DMRT1: variants seen among roughly 807,000 people sequenced by gnomAD.
DMRT1 encodes the protein doublesex and mab-3 related transcription factor 1.
A neutral mutation model predicts 32.3 loss-of-function variants in DMRT1; 7 were observed. That is an observed-to-expected ratio of 0.22 (90% CI 0.12 to 0.41). The LOEUF (loss-of-function observed/expected upper bound fraction) is 0.41. DMRT1 is among the 10% of genes least tolerant of loss of function. The pLI, the probability that DMRT1 is intolerant of heterozygous loss-of-function variation, is 1.00. For synonymous variants in DMRT1, 278 were observed against 206.1 expected (o/e 1.35, Z -2.99); for missense variants, 625 against 500.5 (o/e 1.25, Z -2.37).
chr9:890,027 C>T (rs1817077361), intron 2 of DMRT1, among the ~76,000 whole-genome samples: 1 of 149,978 alleles, frequency 6.7e-6, no homozygotes, highest in Non-Finnish European at 1.5e-5. Flanking sequence ...ACAATAGAGA[C>T]ATGACCTTGA....
intron 3 of DMRT1, among the ~76,000 whole-genome samples, chr9:895,660 CAT>C (rs1454652878): frequency 6.6e-6 from 1 of 152,150 alleles, no homozygotes; most frequent in Non-Finnish European, 1.5e-5. Flanking sequence ...AATCACCTCA[CAT>C]AGTTACCATT....
chr9:888,055 A>C (rs1267582926), intron 2 of DMRT1, among the ~76,000 whole-genome samples: 1 of 152,072 alleles, frequency 6.6e-6, no homozygotes, highest in Non-Finnish European at 1.5e-5. Context: ...TTAAATTTTG[A>C]CTCTGCAATG....
rs79708912 is a variant in DMRT1, at chr9:881,696, C to T, written c.539-12216C>T. On this transcript the variant is annotated intron_variant, in intron 2 of 4. Transcript: ENST00000382276. ...CAAACAAGTTCCTAATTTAAAACATCCTCAGTGTACGAAATATTTAAAAGG... is the reference window on the plus strand; with the variant it reads ...CAAACAAGTTCCTAATTTAAAACATTCTCAGTGTACGAAATATTTAAAAGG... 2.2e-4 allele frequency among the ~76,000 whole-genome samples: 34 copies of T among 152,322 alleles called. No individual in the cohort carries two copies. The East Asian group carries it at 6.6e-3, about 29-fold the overall frequency.
At chr9:899,050 G>C (rs973572559) in intron 3 of DMRT1, among the ~76,000 whole-genome samples, 2 of 151,884 alleles carry the variant, frequency 1.3e-5, no homozygotes, top group African/African-American at 4.8e-5. Flanking sequence ...TTCTTTTTCA[G>C]ATGGTTCACT....
intron 2 of DMRT1, among the ~76,000 whole-genome samples, chr9:873,961 G>T (rs1816386700): frequency 6.6e-6 from 1 of 152,160 alleles, no homozygotes; most frequent in Non-Finnish European, 1.5e-5. Flanking sequence ...ACTTGGAAGT[G>T]GAAAGTACCT....
intron 4 of DMRT1, among the ~76,000 whole-genome samples, chr9:958,116 G>A (rs1819658041): frequency 6.6e-6 from 1 of 152,126 alleles, no homozygotes; most frequent in South Asian, 2.1e-4. Flanking sequence ...AGTATGATAA[G>A]CCAACATTGA....
intron 2 of DMRT1, among the ~76,000 whole-genome samples, chr9:866,039 C>T (rs567884674): frequency 1.3e-4 from 20 of 151,816 alleles, no homozygotes; most frequent in Non-Finnish European, 2.8e-4. Context: ...TGGTGGGTGC[C>T]TGTAATCCCA....
intron 2 of DMRT1, among the ~76,000 whole-genome samples, chr9:887,625 G>A (rs1013147537): frequency 3.9e-5 from 6 of 152,132 alleles, no homozygotes; most frequent in Non-Finnish European, 8.8e-5. Context: ...TTGGGCCTCT[G>A]TTGACCTCCC....
At chr9:866,434 A>C (rs1463749778) in intron 2 of DMRT1, among the ~76,000 whole-genome samples, 1 of 150,730 alleles carries the variant, frequency 6.6e-6, no homozygotes, top group Non-Finnish European at 1.5e-5. Flanking sequence ...TAGGTGTGTC[A>C]CACTGTGATC....
intron 4 of DMRT1, among the ~76,000 whole-genome samples, chr9:944,739 C>T (rs1021733830): frequency 6.6e-6 from 1 of 152,058 alleles, no homozygotes. Flanking sequence ...TGTTTGATTC[C>T]AAATACTATA....
At chr9:883,683 T>C (rs1177114319) in intron 2 of DMRT1, among the ~76,000 whole-genome samples, 2 of 150,986 alleles carry the variant, frequency 1.3e-5, no homozygotes, top group Non-Finnish European at 2.9e-5. Context: ...TCCCAGATAC[T>C]TGGGAGGCAG....
intron 3 of DMRT1, among the ~76,000 whole-genome samples, chr9:901,686 G>A (rs1481757448): frequency 6.6e-6 from 1 of 150,996 alleles, no homozygotes; most frequent in African/African-American, 2.4e-5. Flanking sequence ...TTTTGCCACT[G>A]AGCTCCACGG....
At chr9:940,221 A>G (rs1431136717) in intron 4 of DMRT1, among the ~76,000 whole-genome samples, 1 of 152,152 alleles carries the variant, frequency 6.6e-6, no homozygotes, top group Non-Finnish European at 1.5e-5. Context: ...ATATATATCC[A>G]GAAGAACTGA....
intron 4 of DMRT1, among the ~76,000 whole-genome samples, chr9:963,006 G>C (rs964504382): frequency 6.6e-6 from 1 of 152,136 alleles, no homozygotes; most frequent in African/African-American, 2.4e-5. Context: ...TGTGAATTGT[G>C]TGTACATTAT....
chr9:853,741 G>C (rs1056703698), intron 2 of DMRT1, among the ~76,000 whole-genome samples: 2 of 151,874 alleles, frequency 1.3e-5, no homozygotes, highest in Non-Finnish European at 2.9e-5. Flanking sequence ...CTGACCTCAG[G>C]TGCTCCGCCT....
chr9:863,308 G>T (rs1042533770), intron 2 of DMRT1, among the ~76,000 whole-genome samples: 2 of 133,238 alleles, frequency 1.5e-5, no homozygotes, highest in African/African-American at 5.6e-5. Context: ...ACAGAGTGAG[G>T]CCACGTCTCT....
At chr9:854,391 C>G (rs1191116474) in intron 2 of DMRT1, among the ~76,000 whole-genome samples, 1 of 152,028 alleles carries the variant, frequency 6.6e-6, no homozygotes, top group African/African-American at 2.4e-5. Flanking sequence ...TCAAGTGATT[C>G]TCGTGCCTCA....
intron 4 of DMRT1, among the ~76,000 whole-genome samples, chr9:927,509 G>T (rs2129836607): frequency 6.6e-6 from 1 of 152,340 alleles, no homozygotes; most frequent in East Asian, 1.9e-4. Context: ...TGAGTGCAGT[G>T]CACACCAGAT....
At chr9:948,371 G>C (rs896897458) in intron 4 of DMRT1, among the ~76,000 whole-genome samples, 1 of 152,104 alleles carries the variant, frequency 6.6e-6, no homozygotes, top group Non-Finnish European at 1.5e-5. Context: ...CCTCTCCACA[G>C]GGACATGAAC....
Sources: gnomAD v4.1 joint callset for allele counts (sites outside exome capture counted in the v4.1 genomes callset) on GRCh38, gnomAD v4.1.1 for gene constraint, MANE v1.5 for transcripts, NCBI Gene and HGNC (gene_info 2026-07-23, HGNC 2026-07-21) for gene names.